ZNF670: variants seen among roughly 807,000 people sequenced by gnomAD.
ZNF670 encodes the protein zinc finger protein 670.
In ZNF670, 7 loss-of-function variants were observed where a neutral mutation model predicts 10.9. The observed-to-expected ratio is 0.64, with a 90% CI of 0.36 to 1.20. The LOEUF (loss-of-function observed/expected upper bound fraction) is 1.20. Among genes scored for constraint, ZNF670 ranks in the 50% most tolerant of loss-of-function variants. The probability of loss-of-function intolerance (pLI) is 0.02; values close to 1 mark genes in which losing one functional copy is unlikely to be tolerated. For missense variants in ZNF670, 446 were observed against 458.6 expected (o/e 0.97, Z 0.25); for synonymous variants, 136 against 152.7 (o/e 0.89, Z 0.81).
At chr1:247,060,701 A>C (rs951441826) in intron 1 of ZNF670, among the ~76,000 whole-genome samples, 1 of 152,254 alleles carries the variant, frequency 6.6e-6, no homozygotes, top group African/African-American at 2.4e-5. Context: ...ATAGACAACC[A>C]TTCCATAGAA....
In ZNF670 at chr1:247,037,963, T is replaced by G; in HGVS notation, c.656A>C (p.His219Pro). The G allele has an allele frequency of 6.2e-7, 1 of 1,613,676 alleles. No individual in the cohort carries two copies. Among genetic ancestry groups the G allele is most frequent in the Non-Finnish European group, 8.5e-7 (1 of 1,179,860 alleles). ...ACATGCATAGGGTTTCTCTCCAGTATGAGTTCTTTCATGTTCACGAAGATA... is the reference window on the plus strand; with the variant it reads ...ACATGCATAGGGTTTCTCTCCAGTAGGAGTTCTTTCATGTTCACGAAGATA... ...SSYLREHERT[H>P]TGEKPYACKK... The change falls in exon 4 of 4, where the codon CAT (histidine) becomes CCT (proline). Residue 219 changes from histidine to proline, a missense_variant. Transcript: ENST00000366503.
At chr1:247,067,435 CA>C (rs61363241) in intron 1 of ZNF670, among the ~76,000 whole-genome samples, 279 of 77,226 alleles carry the variant, frequency 3.6e-3, no homozygotes, top group Middle Eastern at 9.1e-3. Context: ...GATCCCGTCT[CA>C]AAAAAAAAAA....
intron 1 of ZNF670, among the ~76,000 whole-genome samples, chr1:247,068,413 TAAC>T (rs1671042906): frequency 6.7e-6 from 1 of 149,408 alleles, no homozygotes; most frequent in African/African-American, 2.5e-5. Context: ...AAAAGATGCT[TAAC>T]ATCACTGATC....
chr1:247,060,175 C>T (rs1874407), intron 1 of ZNF670, among the ~76,000 whole-genome samples: 22,251 of 152,054 alleles, frequency 0.15, 1,820 homozygotes, highest in South Asian at 0.24. Context: ...GATGGTAATA[C>T]AATATTGAAG....
At chr1:247,041,203 G>A (rs1670300560) in intron 1 of ZNF670, among the ~76,000 whole-genome samples, 4 of 150,666 alleles carry the variant, frequency 2.7e-5, no homozygotes, top group African/African-American at 9.8e-5. Context: ...AAGGAAAACA[G>A]GGGTATTTTT....
chr1:247,052,487 G>A (rs780263356), intron 1 of ZNF670, among the ~76,000 whole-genome samples: 1 of 152,156 alleles, frequency 6.6e-6, no homozygotes, highest in Non-Finnish European at 1.5e-5. Context: ...TTCATTGGAT[G>A]TAGCAGGGGA....
chr1:247,073,587 C>T (rs943990076), intron 1 of ZNF670, among the ~76,000 whole-genome samples: 1 of 152,236 alleles, frequency 6.6e-6, no homozygotes, highest in Non-Finnish European at 1.5e-5. Flanking sequence ...CCAGTGACCA[C>T]TCTCCCAGAG....
chr1:247,049,098 CTT>C (rs772486522), intron 1 of ZNF670, among the ~76,000 whole-genome samples: 5 of 124,532 alleles, frequency 4.0e-5, no homozygotes, highest in African/African-American at 6.3e-5. Flanking sequence ...TGTTTCATTT[CTT>C]TTTTTTTTTT....
chr1:247,067,841 C>CAAAA lies in ZNF670; in HGVS notation c.3+10749_3+10752dup, dbSNP rs61211824. Among the ~76,000 whole-genome samples the CAAAA allele has an allele frequency of 3.9e-3, 336 of 85,190 alleles. 18 individuals are homozygous for CAAAA. The highest frequency in any genetic ancestry group is 6.6e-3 in the South Asian group (10 of 1,504). The allele number at this position is 85,190 out of a possible 152,430, so 55.9% of individuals were successfully genotyped here. A position where few individuals can be genotyped will look rare whatever the true frequency, so the allele number is the denominator to read the frequency against. On this transcript the variant is annotated intron_variant, in intron 1 of 3. Transcript: ENST00000366503. ...TGGGCGACAGAGCGAGACTCCGTCT[C>CAAAA]AAAAAAAAAAAAAAAAAAAAAAAAA... is the stretch of plus-strand genomic sequence containing the variant.
chr1:247,077,884 T>C (rs1671289141), intron 1 of ZNF670, among the ~76,000 whole-genome samples: 2 of 152,140 alleles, frequency 1.3e-5, no homozygotes, highest in South Asian at 4.1e-4. Flanking sequence ...GACTCCATCA[T>C]ACACATGTAC....
intron 1 of ZNF670, among the ~76,000 whole-genome samples, chr1:247,066,718 C>T (rs540439529): frequency 8.7e-4 from 132 of 152,202 alleles, no homozygotes; most frequent in Non-Finnish European, 1.4e-3. Flanking sequence ...TTTTGGAATT[C>T]GGGAAAAGCC....
chr1:247,078,783 C>G lies in ZNF670; in HGVS notation c.-187G>C. Reference sequence around the variant, plus strand: ...AAGCCGCGCCAGGTCCCGGAAGCTGCTCCCTCCTTTCGCGGCGCGCTTGAG... The same window carrying G: ...AAGCCGCGCCAGGTCCCGGAAGCTGGTCCCTCCTTTCGCGGCGCGCTTGAG... On this transcript the variant is annotated 5_prime_UTR_variant, in exon 1 of 4. Coordinates refer to ENST00000366503, the MANE Select transcript of ZNF670 (RefSeq NM_033213.5). 2 of 629,350 alleles carry G rather than the reference C, an allele frequency of 3.2e-6. No homozygotes were observed. Among genetic ancestry groups the G allele is most frequent in the Non-Finnish European group, 5.5e-6 (2 of 363,526 alleles). The allele number at this position is 629,350 out of a possible 1,614,324, so 39.0% of individuals were successfully genotyped here.
Position 247,058,709 on chromosome 1 carries a change from TAAAAAA to T in ZNF670, c.4-19178_4-19173del, listed in dbSNP as rs59634852. On this transcript the variant is annotated intron_variant, in intron 1 of 3. Transcript: ENST00000366503. ...CATTACTACTAATCCTACAGACAGT[TAAAAAA>T]AAAAAAAAAAACCACAGTGAACATT... 2.4e-5 allele frequency among the ~76,000 whole-genome samples: 3 copies of T among 124,282 alleles called. No homozygotes were observed. The South Asian group carries it at 8.2e-4, about 34-fold the overall frequency. The allele number at this position is 124,282 out of a possible 152,430, so 81.5% of individuals were successfully genotyped here.
rs1258880767 is a variant in ZNF670 at position 247,035,376 on chromosome 1, G to C, written c.*2073C>G. Among the ~76,000 whole-genome samples, 1 of 152,174 alleles carries C rather than the reference G, an allele frequency of 6.6e-6. No homozygotes were observed. Among genetic ancestry groups the C allele is most frequent in the Admixed American group, 6.5e-5 (1 of 15,276 alleles). ...CACACAAGACTTGCACTACGGAGCA[G>C]ATAGAACAAACAGGGTGTAAGGGGA... On this transcript the variant is annotated 3_prime_UTR_variant, in exon 4 of 4. Transcript: ENST00000366503.
intron 1 of ZNF670, among the ~76,000 whole-genome samples, chr1:247,049,527 C>T (rs576456437): frequency 6.6e-6 from 1 of 152,152 alleles, no homozygotes; most frequent in Admixed American, 6.5e-5. Flanking sequence ...TTTAGTTTTG[C>T]TCTGATCTTT....
intron 1 of ZNF670, among the ~76,000 whole-genome samples, chr1:247,053,370 C>T (rs939533710): frequency 6.6e-5 from 10 of 152,164 alleles, no homozygotes; most frequent in South Asian, 2.1e-4. Flanking sequence ...CGGTGGCTCA[C>T]GCCTGTAATC....
chr1:247,077,757 G>A (rs1671285704), intron 1 of ZNF670, among the ~76,000 whole-genome samples: 1 of 152,218 alleles, frequency 6.6e-6, no homozygotes, highest in African/African-American at 2.4e-5. Flanking sequence ...TGGGAACAGG[G>A]TCGTTGATGT....
rs778497391 is a variant in ZNF670, at chr1:247,078,174, ACT to A, written c.3+418_3+419del. On this transcript the variant is annotated intron_variant, in intron 1 of 3. Coordinates refer to ENST00000366503, the MANE Select transcript of ZNF670 (RefSeq NM_033213.5). ...CACGCTGGTGGCTTCCTAACTCACG[ACT>A]CTCTGCTCAAATAAACTCCTTAATA... 2.6e-4 allele frequency among the ~76,000 whole-genome samples: 40 copies of A among 151,766 alleles called. 1 individual carries two copies. Among genetic ancestry groups the A allele is most frequent in the Non-Finnish European group, 1.5e-5 (1 of 67,932 alleles).
At chr1:247,072,829 T>TACACACAC (rs1216671631) in intron 1 of ZNF670, among the ~76,000 whole-genome samples, 15 of 94,016 alleles carry the variant, frequency 1.6e-4, no homozygotes, top group African/African-American at 8.3e-4. Flanking sequence ...TATATATATA[T>TACACACAC]ATATATATAT....
Sources: allele counts gnomAD v4.1 joint callset (sites outside exome capture counted in the v4.1 genomes callset), GRCh38; gene constraint gnomAD v4.1.1; transcripts MANE v1.5; gene names NCBI Gene and HGNC (gene_info 2026-07-23, HGNC 2026-07-21).